Variants in NUP153 observed in about 807,000 individuals in gnomAD.
NUP153 encodes nuclear pore complex protein Nup153.
In NUP153, 27 loss-of-function variants were observed where a neutral mutation model predicts 134.6. That is an observed-to-expected ratio of 0.20 (90% CI 0.15 to 0.28). The LOEUF (loss-of-function observed/expected upper bound fraction) is 0.28. Ranked by LOEUF, NUP153 falls within the 10% of genes least tolerant of loss-of-function variation. The pLI is 1.00. For synonymous variants in NUP153, 640 were observed against 623.5 expected, an observed-to-expected ratio of 1.03 and a Z score of -0.40; for missense variants, 1,821 against 1,731.3, an observed-to-expected ratio of 1.05 and a Z score of -0.92.
At chr6:17,630,923 C>T (rs1182932134) in intron 17 of NUP153, among the ~76,000 whole-genome samples, 2 of 152,066 alleles carry the variant, frequency 1.3e-5, no homozygotes, top group African/African-American at 4.8e-5. Flanking sequence ...GACCTACTGG[C>T]TCAAAACAAG....
chr6:17,706,528 C>T lies in NUP153; in HGVS notation c.-141G>A. ...CTGTCCACACAGTGGGCACAAGCAC[C>T]CCAGGAACCGCGAGGTTGCGAGCAG... On this transcript the variant is annotated 5_prime_UTR_variant, in exon 1 of 22. Coordinates refer to ENST00000262077, the MANE Select transcript of NUP153 (RefSeq NM_005124.4). This position sits in a 1 kb window ranked among gnomAD's most constrained non-coding sequence, Gnocchi z 5.9. 1.6e-6 allele frequency: 1 copy of T among 618,832 alleles called. No individual in the cohort carries two copies. Among genetic ancestry groups the T allele is most frequent in the Admixed American group, 3.0e-5 (1 of 33,428 alleles). 38.3% of individuals were successfully genotyped at this position (618,832 alleles called of 1,614,324 possible).
At chr6:17,626,885 G>C (rs1452297851) in intron 18 of NUP153, among the ~76,000 whole-genome samples, 1 of 152,166 alleles carries the variant, frequency 6.6e-6, no homozygotes, top group East Asian at 1.9e-4. Context: ...CCTTCACCCA[G>C]CAACAAGTAT....
chr6:17,672,297 G>A (rs1767963892), intron 5 of NUP153, among the ~76,000 whole-genome samples: 2 of 152,110 alleles, frequency 1.3e-5, no homozygotes, highest in African/African-American at 4.8e-5. Flanking sequence ...AAAGGTGCAG[G>A]CCAGGCCTGG....
intron 20 of NUP153, 137 bp downstream of exon 20, chr6:17,624,424 C>A: frequency 1.3e-6 from 1 of 762,374 alleles, no homozygotes; most frequent in Non-Finnish European, 2.1e-6. Flanking sequence ...ATAAATCCAA[C>A]CATATTACCT....
intron 21 of NUP153, 109 bp from the exon 22 acceptor site, chr6:17,616,290 G>GGGGGGGGGGGGGGCCCCCC: frequency 2.1e-6 from 1 of 473,882 alleles, no homozygotes; most frequent in Non-Finnish European, 3.9e-6. Context: ...GGTGGGGGGG[G>GGGGGGGGGGGGGGCCCCCC]AGTAGACTCA....
intron 20 of NUP153, 29 bp from the exon 21 acceptor site, chr6:17,616,724 T>A (rs755057015): frequency 1.3e-6 from 2 of 1,591,060 alleles, no homozygotes; most frequent in South Asian, 2.2e-5. Flanking sequence ...AAATACTTCA[T>A]TAGGGCAAAA....
intron 17 of NUP153, 82 bp from the exon 18 acceptor site, chr6:17,629,621 G>A (rs1561857732): frequency 7.7e-7 from 1 of 1,298,436 alleles, no homozygotes; most frequent in African/African-American, 1.5e-5. Flanking sequence ...GAAAGCCAAA[G>A]AAACATAGGA....
At chr6:17,643,841 G>A (rs1008124043) in intron 14 of NUP153, among the ~76,000 whole-genome samples, 2 of 152,160 alleles carry the variant, frequency 1.3e-5, no homozygotes, top group Non-Finnish European at 2.9e-5. Flanking sequence ...GTAACAAATT[G>A]TTAATTATTC....
At chr6:17,633,909 T>C (rs914913035) in intron 16 of NUP153, among the ~76,000 whole-genome samples, 5 of 152,156 alleles carry the variant, frequency 3.3e-5, no homozygotes, top group African/African-American at 1.2e-4. Context: ...TTTACTCCAG[T>C]GGTTTTTAAA....
intron 2 of NUP153, among the ~76,000 whole-genome samples, chr6:17,684,112 G>C (rs1436912043): frequency 6.6e-6 from 1 of 152,096 alleles, no homozygotes; most frequent in Non-Finnish European, 1.5e-5. Context: ...AAAACCTTGA[G>C]ACCACACTAA....
intron 1 of NUP153, 53 bp from the exon 2 acceptor site, chr6:17,688,671 A>G (rs1769093841): frequency 4.2e-6 from 6 of 1,421,908 alleles, no homozygotes; most frequent in East Asian, 2.3e-5. Flanking sequence ...TCTTTTTAAA[A>G]TAAGTACCTA....
intron 11 of NUP153, among the ~76,000 whole-genome samples, chr6:17,654,683 G>A (rs1268664947): frequency 6.6e-6 from 1 of 152,132 alleles, no homozygotes; most frequent in Non-Finnish European, 1.5e-5. Context: ...TAGATCATAA[G>A]TGGGTCCCAC....
At position 17,629,356 on chromosome 6, in the gene NUP153, T is replaced by G; in HGVS notation, c.2843A>C (p.Glu948Ala). Residue 948 changes from glutamate (E) to alanine (A), a missense_variant, in exon 18 of 22, where the codon GAA (glutamate) becomes GCA (alanine). Coordinates refer to ENST00000262077, the MANE Select transcript of NUP153 (RefSeq NM_005124.4). ...TATTGGTTTAGAAAATTTAAAGCCTTCACTCATGGGGTTTATAGACCCAGA... is the reference window on the plus strand; with the variant it reads ...TATTGGTTTAGAAAATTTAAAGCCTGCACTCATGGGGTTTATAGACCCAGA... ...SDSGSINPMS[E>A]GFKFSKPIGD... 6.2e-7 allele frequency: 1 copy of G among 1,611,322 alleles called. No individual in the cohort carries two copies. Among genetic ancestry groups the G allele is most frequent in the South Asian group, 1.1e-5 (1 of 90,234 alleles).
At chr6:17,643,600 T>TTAGGATTCCC (rs1186943258) in intron 14 of NUP153, among the ~76,000 whole-genome samples, 1 of 152,202 alleles carries the variant, frequency 6.6e-6, no homozygotes, top group African/African-American at 2.4e-5. Flanking sequence ...CGGTAAAATG[T>TTAGGATTCCC]TAGGATTCCC....
intron 2 of NUP153, among the ~76,000 whole-genome samples, chr6:17,688,185 A>T (rs1250450520): frequency 6.6e-6 from 1 of 152,206 alleles, no homozygotes; most frequent in Admixed American, 6.5e-5. Context: ...CCAACATCAG[A>T]GCTTGCAGTC....
intron 9 of NUP153, 37 bp from the exon 10 acceptor site, chr6:17,662,107 T>A: frequency 6.3e-7 from 1 of 1,591,512 alleles, no homozygotes; most frequent in Non-Finnish European, 8.6e-7. Context: ...CGTTTGCTTA[T>A]TTGTTGTAAT....
At chr6:17,701,130 C>A (rs964206310) in intron 1 of NUP153, among the ~76,000 whole-genome samples, 1 of 151,544 alleles carries the variant, frequency 6.6e-6, no homozygotes, top group Non-Finnish European at 1.5e-5. Flanking sequence ...GAGGCTGAAG[C>A]AGGAGAGTTG....
rs146952318 is a variant in NUP153, at chr6:17,637,527, A to G, written c.2090T>C (p.Ile697Thr). Residue 697 changes from isoleucine to threonine, a missense_variant, in exon 16 of 22, where the codon ATT (isoleucine) becomes ACT (threonine). Ile to Thr is a moderately conservative substitution (Grantham distance 89). Coordinates refer to ENST00000262077, the MANE Select transcript of NUP153 (RefSeq NM_005124.4). ...SPRDTAKQTG[I>T]ETPNKSGKTT... ...TTTGCCACTTTTATTTGGTGTTTCA[A>G]TTCCAGTCTGTTTAGCAGTATCTCT... The G allele has an allele frequency of 2.5e-6, 4 of 1,614,042 alleles. No homozygotes were observed. Among genetic ancestry groups the G allele is most frequent in the Non-Finnish European group, 3.4e-6 (4 of 1,180,028 alleles).
intron 9 of NUP153, 52 bp from the exon 10 acceptor site, chr6:17,662,122 T>C: frequency 6.6e-7 from 1 of 1,512,430 alleles, no homozygotes; most frequent in East Asian, 2.3e-5. Flanking sequence ...TGTAATTTTC[T>C]TAGTACCACC....
Sources: gnomAD v4.1 joint callset for allele counts (sites outside exome capture counted in the v4.1 genomes callset) on GRCh38, gnomAD v4.1.1 for gene constraint, Gnocchi (gnomAD v3.1) non-coding constraint, MANE v1.5 for transcripts, NCBI Gene and HGNC (gene_info 2026-07-23, HGNC 2026-07-21) for gene names.